Variants in TSPAN12 observed in about 807,000 individuals in gnomAD.
TSPAN12 encodes tetraspanin-12.
Under a neutral mutation model 39.2 loss-of-function variants are expected in TSPAN12, and 19 were observed. The ratio of observed to expected loss-of-function variants is 0.49; its 90% CI spans 0.34 to 0.71. TSPAN12 has a LOEUF of 0.71. TSPAN12 is among the 30% of genes least tolerant of loss of function. The probability of loss-of-function intolerance (pLI) is 0.01; values close to 1 mark genes in which losing one functional copy is unlikely to be tolerated. For missense variants in TSPAN12, 314 were observed against 359.9 expected (o/e 0.87, Z 1.03); for synonymous variants, 119 against 124.8 (o/e 0.95, Z 0.31).
chr7:120,833,850 A>T (rs554015566), intron 4 of TSPAN12, among the ~76,000 whole-genome samples: 85 of 152,300 alleles, frequency 5.6e-4, no homozygotes, highest in Admixed American at 1.5e-3. Flanking sequence ...GAACTGCAAT[A>T]ACAAATGAAT....
chr7:120,789,389 G>A (rs1436196121), intron 7 of TSPAN12, among the ~76,000 whole-genome samples: 2 of 152,164 alleles, frequency 1.3e-5, no homozygotes, highest in African/African-American at 4.8e-5. Flanking sequence ...GGCACACAAT[G>A]TTTACGATTT....
At chr7:120,853,356 T>C (rs1794805786) in intron 2 of TSPAN12, among the ~76,000 whole-genome samples, 1 of 151,522 alleles carries the variant, frequency 6.6e-6, no homozygotes, top group Admixed American at 6.6e-5. Context: ...CCTCCCAAAG[T>C]GCTTGCATTA....
intron 2 of TSPAN12, among the ~76,000 whole-genome samples, chr7:120,847,026 C>A (rs1794683194): frequency 6.6e-6 from 1 of 152,118 alleles, no homozygotes; most frequent in South Asian, 2.1e-4. Flanking sequence ...AGGGGTGAGA[C>A]TGCATGGAGT....
At chr7:120,836,590 G>A (rs889229173) in intron 4 of TSPAN12, among the ~76,000 whole-genome samples, 2 of 152,140 alleles carry the variant, frequency 1.3e-5, no homozygotes, top group Non-Finnish European at 2.9e-5. Flanking sequence ...GGCCTCAATA[G>A]CACCCAGTGC....
At chr7:120,798,465 G>GC (rs1359639346) in intron 7 of TSPAN12, among the ~76,000 whole-genome samples, 1 of 152,134 alleles carries the variant, frequency 6.6e-6, no homozygotes, top group African/African-American at 2.4e-5. Context: ...CACTGAACCT[G>GC]CAAACTGCAA....
intron 7 of TSPAN12, among the ~76,000 whole-genome samples, chr7:120,799,559 A>T (rs1209452557): frequency 2.1e-4 from 22 of 103,026 alleles, no homozygotes; most frequent in South Asian, 1.2e-3. Flanking sequence ...TATATAATTA[A>T]ATATAATTAT....
intron 4 of TSPAN12, among the ~76,000 whole-genome samples, chr7:120,836,986 G>A (rs1022530389): frequency 2.0e-5 from 3 of 152,192 alleles, no homozygotes; most frequent in Non-Finnish European, 4.4e-5. Flanking sequence ...GGACTGTGCA[G>A]AGTAAAAGTT....
At chr7:120,800,754 G>A (rs41631) in intron 7 of TSPAN12, among the ~76,000 whole-genome samples, 3 of 127,620 alleles carry the variant, frequency 2.4e-5, no homozygotes, top group African/African-American at 5.8e-5. Flanking sequence ...GTTTTTTTTT[G>A]TTTTTTTTTT....
At chr7:120,810,873 A>C (rs1353262538) in intron 5 of TSPAN12, among the ~76,000 whole-genome samples, 1 of 152,200 alleles carries the variant, frequency 6.6e-6, no homozygotes, top group African/African-American at 2.4e-5. Context: ...TTAACTGTAC[A>C]TCCCACAGAC....
chr7:120,794,678 C>T (rs1294717722), intron 7 of TSPAN12, among the ~76,000 whole-genome samples: 11 of 152,292 alleles, frequency 7.2e-5, no homozygotes, highest in Admixed American at 7.2e-4. Flanking sequence ...GAAGAATTGC[C>T]TAACACAGGT....
At chr7:120,843,839 C>T (rs1794622218) in intron 2 of TSPAN12, among the ~76,000 whole-genome samples, 1 of 152,194 alleles carries the variant, frequency 6.6e-6, no homozygotes, top group African/African-American at 2.4e-5. Context: ...CATGTTCTCC[C>T]TCTACTTGGC....
chr7:120,856,727 G>T lies in TSPAN12; in HGVS notation c.37C>A (p.Leu13Met). The T allele has an allele frequency of 6.2e-7, 1 of 1,614,232 alleles. No individual in the cohort carries two copies. Among genetic ancestry groups the T allele is most frequent in the South Asian group, 1.1e-5 (1 of 91,084 alleles). ...AAGAGCAGATTGAGGGCGTAGAGCA[G>T]GCAGCGCAGACACTTCACGGAATCT... ...REDSVKCLRCLLYALNLLFWL... is the reference protein window; with the variant it reads ...REDSVKCLRCMLYALNLLFWL... Residue 13 changes from leucine (L) to methionine (M), a missense_variant, in exon 2 of 8, where the codon CTG (leucine) becomes ATG (methionine). Leu to Met is a conservative substitution (Grantham distance 15, BLOSUM62 2). Coordinates refer to ENST00000222747, the MANE Select transcript of TSPAN12 (RefSeq NM_012338.4).
chr7:120,808,971 AAT>A (rs1200069161), intron 6 of TSPAN12, among the ~76,000 whole-genome samples: 1 of 149,620 alleles, frequency 6.7e-6, no homozygotes, highest in African/African-American at 2.4e-5. Context: ...AGGGTATTTA[AAT>A]ATATATATAT....
intron 4 of TSPAN12, among the ~76,000 whole-genome samples, chr7:120,831,123 T>C (rs949461430): frequency 2.0e-4 from 31 of 152,046 alleles, no homozygotes; most frequent in African/African-American, 7.2e-4. Flanking sequence ...TTAGAATGTT[T>C]ACTATCAAAA....
chr7:120,852,853 AAAAG>A lies in TSPAN12; in HGVS notation c.66+3841_66+3844del, dbSNP rs138526873. ...TGAGTACCAGTTTCTTTATCTAAAAAAAAGAGAGAGAGAGAGAGAGACTAAGAAA... is the reference window on the plus strand; with the variant it reads ...TGAGTACCAGTTTCTTTATCTAAAAAAGAGAGAGAGAGAGAGACTAAGAAA... On this transcript the variant is annotated intron_variant, in intron 2 of 7. Coordinates refer to ENST00000222747, the MANE Select transcript of TSPAN12 (RefSeq NM_012338.4). 3.0e-3 allele frequency among the ~76,000 whole-genome samples: 460 copies of A among 152,092 alleles called. 3 individuals are homozygous for A. Among genetic ancestry groups the A allele is most frequent in the African/African-American group, 0.011 (442 of 41,464 alleles).
intron 5 of TSPAN12, among the ~76,000 whole-genome samples, chr7:120,815,144 G>A (rs891535910): frequency 6.6e-6 from 1 of 152,120 alleles, no homozygotes; most frequent in Non-Finnish European, 1.5e-5. Flanking sequence ...GACATATACA[G>A]AGTATACCAA....
intron 2 of TSPAN12, among the ~76,000 whole-genome samples, chr7:120,853,069 T>C (rs1316634931): frequency 1.3e-5 from 2 of 151,244 alleles, no homozygotes. Flanking sequence ...TTTCATACTA[T>C]TCTAACAAAA....
intron 4 of TSPAN12, among the ~76,000 whole-genome samples, chr7:120,832,867 C>G (rs1333438394): frequency 2.0e-5 from 3 of 151,942 alleles, no homozygotes; most frequent in Admixed American, 1.3e-4. Context: ...ATAAGCATAC[C>G]AAAAGACCAT....
At chr7:120,815,380 GACT>G (rs1288037870) in intron 5 of TSPAN12, among the ~76,000 whole-genome samples, 2 of 152,162 alleles carry the variant, frequency 1.3e-5, no homozygotes, top group Non-Finnish European at 2.9e-5. Flanking sequence ...TCAAGGGACA[GACT>G]AGGTGGAGGT....
Sources: allele counts gnomAD v4.1 joint callset (sites outside exome capture counted in the v4.1 genomes callset), GRCh38; gene constraint gnomAD v4.1.1; transcripts MANE v1.5; gene names NCBI Gene and HGNC (gene_info 2026-07-23, HGNC 2026-07-21).